GRXCR1: variants seen among roughly 807,000 people sequenced by gnomAD.
GRXCR1 encodes glutaredoxin and cysteine rich domain containing 1.
Under a neutral mutation model 27.3 loss-of-function variants are expected in GRXCR1, and 27 were observed. The ratio of observed to expected loss-of-function variants is 0.99; its 90% CI spans 0.73 to 1.37. The LOEUF (loss-of-function observed/expected upper bound fraction) is 1.37. Ranked by LOEUF, GRXCR1 falls within the 40% of genes most tolerant of loss-of-function variation. The pLI, the probability that GRXCR1 is intolerant of heterozygous loss-of-function variation, is 0.00. For synonymous variants in GRXCR1, 122 were observed against 131.1 expected, an observed-to-expected ratio of 0.93 and a Z score of 0.47; for missense variants, 379 against 354.4, an observed-to-expected ratio of 1.07 and a Z score of -0.56.
intron 2 of GRXCR1, among the ~76,000 whole-genome samples, chr4:42,992,465 A>AT (rs535348335): frequency 1.3e-5 from 2 of 152,074 alleles, no homozygotes. Context: ...GTAGGGAGCT[A>AT]TTTTTTTCTG....
chr4:42,897,214 A>G (rs745550837), intron 1 of GRXCR1, among the ~76,000 whole-genome samples: 3 of 152,116 alleles, frequency 2.0e-5, no homozygotes, highest in Admixed American at 6.6e-5. Flanking sequence ...AAATATTTCC[A>G]AATTCTCTTA....
intron 1 of GRXCR1, among the ~76,000 whole-genome samples, chr4:42,916,717 A>G (rs1746894720): frequency 6.6e-6 from 1 of 152,118 alleles, no homozygotes; most frequent in African/African-American, 2.4e-5. Flanking sequence ...TCTCTACTGT[A>G]CAGCCATTTT....
intron 1 of GRXCR1, among the ~76,000 whole-genome samples, chr4:42,938,020 G>T (rs1597565): frequency 6.6e-6 from 1 of 151,608 alleles, no homozygotes; most frequent in African/African-American, 2.4e-5. Context: ...GATCTGATTC[G>T]TTGCATCTAA....
intron 1 of GRXCR1, among the ~76,000 whole-genome samples, chr4:42,925,515 A>AT (rs998596982): frequency 1.3e-5 from 2 of 151,880 alleles, no homozygotes; most frequent in Non-Finnish European, 2.9e-5. Flanking sequence ...TTGCCTGCTC[A>AT]TTTTTTTCCG....
intron 2 of GRXCR1, among the ~76,000 whole-genome samples, chr4:42,971,283 G>T (rs545099247): frequency 1.3e-5 from 2 of 152,176 alleles, no homozygotes; most frequent in East Asian, 1.9e-4. Context: ...CTGTTCCAAA[G>T]TCTGCCCATT....
intron 2 of GRXCR1, among the ~76,000 whole-genome samples, chr4:43,017,805 T>C (rs1712972758): frequency 6.6e-6 from 1 of 152,204 alleles, no homozygotes; most frequent in Non-Finnish European, 1.5e-5. Context: ...AATGTCAATG[T>C]GTAAGGAAAT....
At chr4:42,978,190 A>G (rs186807132) in intron 2 of GRXCR1, among the ~76,000 whole-genome samples, 8 of 152,132 alleles carry the variant, frequency 5.3e-5, no homozygotes, top group Admixed American at 5.3e-4. Flanking sequence ...TGCCAGTACC[A>G]TGCTGCTTTG....
chr4:42,902,382 C>T (rs1433449913), intron 1 of GRXCR1, among the ~76,000 whole-genome samples: 1 of 152,154 alleles, frequency 6.6e-6, no homozygotes, highest in Admixed American at 6.5e-5. Flanking sequence ...GTTTCTATAA[C>T]AGTGACCCTG....
rs540296768 is a variant in GRXCR1, at chr4:43,017,560, A to G, written c.628-2794A>G. On this transcript the variant is annotated intron_variant, in intron 2 of 3. Transcript: ENST00000399770. The stretch of plus-strand genomic sequence containing the variant: ...ATGTTTGTAAAGCACTTAACACATT[A>G]CTATTATCATTATTTTCAGGATTAT... 9.2e-5 allele frequency among the ~76,000 whole-genome samples: 14 copies of G among 152,330 alleles called. No individual in the cohort carries two copies. The South Asian group carries it at 2.9e-3, about 32-fold the overall frequency.
intron 1 of GRXCR1, among the ~76,000 whole-genome samples, chr4:42,924,478 G>A (rs1747098391): frequency 6.6e-6 from 1 of 152,016 alleles, no homozygotes; most frequent in Admixed American, 6.6e-5. Context: ...ATCCGCCCAA[G>A]GTTGTACATT....
At chr4:42,924,107 G>A (rs1747086545) in intron 1 of GRXCR1, among the ~76,000 whole-genome samples, 1 of 152,066 alleles carries the variant, frequency 6.6e-6, no homozygotes. Context: ...TATAATGAAG[G>A]GAGAAGCTTT....
intron 2 of GRXCR1, among the ~76,000 whole-genome samples, chr4:42,996,198 T>C (rs1712150036): frequency 6.6e-6 from 1 of 152,238 alleles, no homozygotes; most frequent in South Asian, 2.1e-4. Flanking sequence ...GGAGATTTAA[T>C]TTTGTTTATA....
intron 1 of GRXCR1, among the ~76,000 whole-genome samples, chr4:42,961,060 C>T (rs1303143395): frequency 2.6e-5 from 4 of 151,832 alleles, no homozygotes; most frequent in African/African-American, 9.7e-5. Context: ...TCCACATCCT[C>T]TCTTTGTTCA....
chr4:42,951,228 C>G (rs1229909269), intron 1 of GRXCR1, among the ~76,000 whole-genome samples: 3 of 152,318 alleles, frequency 2.0e-5, no homozygotes, highest in African/African-American at 4.8e-5. Context: ...GTTCTATTCA[C>G]TCACTCAACA....
intron 2 of GRXCR1, among the ~76,000 whole-genome samples, chr4:42,998,197 G>A (rs770852173): frequency 2.3e-4 from 35 of 152,090 alleles, no homozygotes; most frequent in Non-Finnish European, 7.4e-5. Context: ...TTCTGAACGT[G>A]AGTCCATAAA....
At chr4:42,955,134 T>G (rs1034027196) in intron 1 of GRXCR1, among the ~76,000 whole-genome samples, 12 of 152,124 alleles carry the variant, frequency 7.9e-5, no homozygotes, top group Non-Finnish European at 1.3e-4. Context: ...CACTGCCTGA[T>G]AATCAAGAAA....
chr4:42,996,484 A>G (rs1229378144), intron 2 of GRXCR1, among the ~76,000 whole-genome samples: 1 of 152,142 alleles, frequency 6.6e-6, no homozygotes, highest in African/African-American at 2.4e-5. Context: ...AGTTTTTCCA[A>G]CTTGTGCTTT....
At chr4:43,003,689 T>C (rs1361317121) in intron 2 of GRXCR1, among the ~76,000 whole-genome samples, 2 of 152,204 alleles carry the variant, frequency 1.3e-5, no homozygotes, top group Non-Finnish European at 2.9e-5. Flanking sequence ...TTCAGAAATA[T>C]GATTTACAGC....
chr4:42,985,954 A>G (rs1368848307), intron 2 of GRXCR1, among the ~76,000 whole-genome samples: 3 of 152,242 alleles, frequency 2.0e-5, no homozygotes, highest in African/African-American at 4.8e-5. Context: ...TTTATTTTCC[A>G]TAAACATCTA....
Sources: allele counts gnomAD v4.1 joint callset (sites outside exome capture counted in the v4.1 genomes callset), GRCh38; gene constraint gnomAD v4.1.1; transcripts MANE v1.5; gene names NCBI Gene and HGNC (gene_info 2026-07-23, HGNC 2026-07-21).